Variants in FOXP2 observed in about 807,000 individuals in gnomAD.
The protein encoded by FOXP2 is forkhead box P2, also known as forkhead box protein P2.
In FOXP2, 12 loss-of-function variants were observed where a neutral mutation model predicts 115.8. The observed-to-expected ratio is 0.10, with a 90% CI of 0.07 to 0.17. The LOEUF is 0.17. Among genes scored for constraint, FOXP2 ranks in the 10% least tolerant of loss-of-function variants. The pLI is 1.00. For missense variants in FOXP2, 629 were observed against 843.5 expected (o/e 0.75, Z 3.15); for synonymous variants, 328 against 297.7 (o/e 1.10, Z -1.05).
intron 3 of FOXP2, among the ~76,000 whole-genome samples, chr7:114,585,298 T>C (rs182629414): frequency 1.3e-5 from 2 of 152,258 alleles, no homozygotes; most frequent in East Asian, 3.9e-4. Context: ...AAATTTATGA[T>C]TTTTGGTGAA....
intron 2 of FOXP2, among the ~76,000 whole-genome samples, chr7:114,500,695 T>A (rs1797531411): frequency 6.6e-6 from 1 of 152,140 alleles, no homozygotes; most frequent in Non-Finnish European, 1.5e-5. Flanking sequence ...AGCTCTTTAG[T>A]GGTAGAATCA....
chr7:114,353,517 G>A (rs1791544945), intron 2 of FOXP2, among the ~76,000 whole-genome samples: 1 of 151,182 alleles, frequency 6.6e-6, no homozygotes. Context: ...AAGCAGATTG[G>A]GATTTACATG....
At chr7:114,304,701 G>A (rs1440542845) in intron 2 of FOXP2, among the ~76,000 whole-genome samples, 1 of 141,846 alleles carries the variant, frequency 7.0e-6, no homozygotes, top group East Asian at 2.1e-4. Flanking sequence ...AAAAAAGAGT[G>A]TGCATGTGGA....
chr7:114,439,347 T>C (rs1161550489), intron 2 of FOXP2, among the ~76,000 whole-genome samples: 1 of 152,130 alleles, frequency 6.6e-6, no homozygotes, highest in African/African-American at 2.4e-5. Flanking sequence ...GCCTCTCCGG[T>C]TTGTATCTGT....
At chr7:114,545,885 A>G (rs1360194021) in intron 3 of FOXP2, among the ~76,000 whole-genome samples, 2 of 152,144 alleles carry the variant, frequency 1.3e-5, no homozygotes, top group Non-Finnish European at 2.9e-5. Flanking sequence ...CCTCACCAGC[A>G]CACACACACT....
intron 2 of FOXP2, among the ~76,000 whole-genome samples, chr7:114,402,680 G>A (rs1279795158): frequency 3.3e-5 from 5 of 151,040 alleles, no homozygotes; most frequent in African/African-American, 1.2e-4. Flanking sequence ...AGGCTGGAGT[G>A]CAGTGACACC....
rs75100484 is a variant in FOXP2 at position 114,500,919 on chromosome 7, C to T, written c.169-33698C>T. ...CTTGAAGTAGGGCCTGTTCGTTTAT[C>T]ACATTTATCAGTTTTTTTATCCATT... On this transcript the variant is annotated intron_variant, in intron 2 of 16. Transcript: ENST00000350908. 7.2e-3 allele frequency among the ~76,000 whole-genome samples: 1,095 copies of T among 152,266 alleles called. 16 individuals carry two copies. The highest frequency in any genetic ancestry group is 0.025 in the African/African-American group (1,029 of 41,542).
At chr7:114,142,250 C>T (rs1176755475) in intron 1 of FOXP2, among the ~76,000 whole-genome samples, 2 of 152,150 alleles carry the variant, frequency 1.3e-5, no homozygotes. Flanking sequence ...TCTCGAACTC[C>T]TGACCTCGTG....
chr7:114,225,312 CCT>C (rs1452003867), intron 1 of FOXP2, among the ~76,000 whole-genome samples: 1 of 151,902 alleles, frequency 6.6e-6, no homozygotes, highest in Non-Finnish European at 1.5e-5. Context: ...GCCTTCCCCC[CCT>C]CCCCCTTTCT....
At chr7:114,323,095 C>T (rs1321881094) in intron 2 of FOXP2, among the ~76,000 whole-genome samples, 1 of 152,108 alleles carries the variant, frequency 6.6e-6, no homozygotes, top group African/African-American at 2.4e-5. Context: ...TATATCAAGG[C>T]ATGTCTATGT....
intron 3 of FOXP2, among the ~76,000 whole-genome samples, chr7:114,617,293 G>A (rs1804001185): frequency 6.6e-6 from 1 of 152,070 alleles, no homozygotes; most frequent in Admixed American, 6.6e-5. Flanking sequence ...TTCTTAAACA[G>A]TTTCTACATA....
At position 114,283,191 on chromosome 7, in the gene FOXP2, A is replaced by G. The variant is rs111535667; in HGVS notation, c.-101-4828A>G. 1.3e-3 allele frequency among the ~76,000 whole-genome samples: 194 copies of G among 152,286 alleles called. 1 individual carries two copies. The highest frequency in any genetic ancestry group is 4.3e-3 in the African/African-American group (180 of 41,566). On this transcript the variant is annotated intron_variant, in intron 1 of 17. Transcript: ENST00000634411. ...ATTATCTACTTTCTCTTGTTTGGCT[A>G]TAGTTAACTACCCTGTTTTGAGAAA...
At chr7:114,544,123 A>T in intron 3 of FOXP2, among the ~76,000 whole-genome samples, 1 of 151,926 alleles carries the variant, frequency 6.6e-6, no homozygotes, top group Admixed American at 6.6e-5. Context: ...CCCAAGTGTC[A>T]GGGTTATAGT....
chr7:114,452,807 C>A (rs1461364111), intron 2 of FOXP2, among the ~76,000 whole-genome samples: 2 of 151,966 alleles, frequency 1.3e-5, no homozygotes, highest in African/African-American at 4.8e-5. Context: ...GTTCATTTGG[C>A]ATTCTTGTTT....
rs757373725 is a variant in FOXP2 at position 114,664,289 on chromosome 7, G to A, written c.1856G>A (p.Ser619Asn). ...NASLQAALAE[S>N]SLPLLSNPGL... ...TTTCACTAGGCTGCCTTGGCAGAGA[G>A]CAGTTTACCTTTGCTAAGTAATCCT... The change falls in exon 16 of 17, where the codon AGC becomes AAC. Residue 619 changes from serine to asparagine, a missense_variant. Ser to Asn is a conservative substitution (Grantham distance 46). This residue lies in a region of FOXP2 where 40 missense variants were observed against 75.3 expected (regional missense o/e 0.53). Transcript: ENST00000350908. 4.0e-5 allele frequency: 64 copies of A among 1,613,118 alleles called. No homozygotes were observed. The highest frequency in any genetic ancestry group is 4.9e-5 in the Non-Finnish European group (58 of 1,179,642).
intron 2 of FOXP2, among the ~76,000 whole-genome samples, chr7:114,502,538 C>T (rs1280134307): frequency 3.9e-5 from 6 of 152,052 alleles, no homozygotes; most frequent in African/African-American, 1.4e-4. Flanking sequence ...TAACATGGCA[C>T]TCTTCACTGT....
At chr7:114,183,681 T>C (rs552126118) in intron 1 of FOXP2, among the ~76,000 whole-genome samples, 11 of 152,202 alleles carry the variant, frequency 7.2e-5, no homozygotes, top group African/African-American at 2.7e-4. Flanking sequence ...AAATGTGTAT[T>C]GTACATGATA....
At chr7:114,373,731 T>A (rs1023093791) in intron 2 of FOXP2, among the ~76,000 whole-genome samples, 1 of 152,224 alleles carries the variant, frequency 6.6e-6, no homozygotes, top group Non-Finnish European at 1.5e-5. Context: ...TTTTCATGTC[T>A]ACTATATGTG....
At chr7:114,523,055 A>T (rs1264767068) in intron 2 of FOXP2, among the ~76,000 whole-genome samples, 1 of 152,028 alleles carries the variant, frequency 6.6e-6, no homozygotes, top group Admixed American at 6.6e-5. Flanking sequence ...AGTATTTTCA[A>T]ATTATTATAA....
Sources: gnomAD v4.1 joint callset for allele counts (sites outside exome capture counted in the v4.1 genomes callset) on GRCh38, gnomAD v4.1.1 for gene constraint, gnomAD v4.1.1 regional missense constraint, MANE v1.5 for transcripts, NCBI Gene and HGNC (gene_info 2026-07-23, HGNC 2026-07-21) for gene names.